USP37: variants seen among roughly 807,000 people sequenced by gnomAD.
The protein encoded by USP37 is ubiquitin specific peptidase 37.
USP37 carries 27 observed loss-of-function variants against 124.0 expected under a neutral mutation model. The ratio of observed to expected loss-of-function variants is 0.22; its 90% CI spans 0.16 to 0.30. The LOEUF (loss-of-function observed/expected upper bound fraction) is 0.30. Ranked by LOEUF, USP37 falls within the 10% of genes least tolerant of loss-of-function variation. USP37 has a pLI of 1.00. For missense variants in USP37, 889 were observed against 1,140.4 expected, an observed-to-expected ratio of 0.78 and a Z score of 3.17; for synonymous variants, 365 against 388.0, an observed-to-expected ratio of 0.94 and a Z score of 0.70.
At chr2:218,538,435 T>A (rs921366244) in intron 8 of USP37, among the ~76,000 whole-genome samples, 1 of 151,688 alleles carries the variant, frequency 6.6e-6, no homozygotes, top group African/African-American at 2.4e-5. Context: ...GTACAAAGAG[T>A]GATCTGTTTT....
chr2:218,545,779 T>C (rs1309948783), intron 8 of USP37, among the ~76,000 whole-genome samples: 2 of 152,218 alleles, frequency 1.3e-5, no homozygotes, highest in Admixed American at 6.5e-5. Flanking sequence ...AAAACATCTC[T>C]GAAAGATTAA....
chr2:218,556,301 T>A (rs981650338), intron 4 of USP37, among the ~76,000 whole-genome samples: 1 of 151,988 alleles, frequency 6.6e-6, no homozygotes, highest in African/African-American at 2.4e-5. Context: ...CCAGAAAATA[T>A]ACAGAAATCA....
intron 10 of USP37, among the ~76,000 whole-genome samples, chr2:218,512,023 A>G (rs1690028368): frequency 6.6e-6 from 1 of 152,090 alleles, no homozygotes; most frequent in Non-Finnish European, 1.5e-5. Context: ...AGGCAAACCA[A>G]TTGTTCCCAA....
intron 8 of USP37, among the ~76,000 whole-genome samples, chr2:218,541,160 G>A (rs1254012638): frequency 6.6e-6 from 1 of 152,154 alleles, no homozygotes; most frequent in African/African-American, 2.4e-5. Context: ...AATTTGTGCT[G>A]TCTCTCCAAA....
chr2:218,528,737 C>A, intron 10 of USP37: 1 of 394,288 alleles, frequency 2.5e-6, no homozygotes, highest in South Asian at 3.6e-5. Context: ...CTGTGCTGCA[C>A]TGCATGATCA....
At chr2:218,513,623 T>C (rs1428104955) in intron 10 of USP37, among the ~76,000 whole-genome samples, 1 of 152,204 alleles carries the variant, frequency 6.6e-6, no homozygotes, top group Non-Finnish European at 1.5e-5. Flanking sequence ...ATAGATTACA[T>C]TTTCTAAAAT....
chr2:218,514,365 T>A (rs1161370441), intron 10 of USP37: 1 of 152,154 alleles, frequency 6.6e-6, no homozygotes, highest in Non-Finnish European at 1.5e-5. Flanking sequence ...CAATCCTCAA[T>A]TTCTTCTTTT....
intron 13 of USP37, among the ~76,000 whole-genome samples, chr2:218,497,019 AAC>A (rs1395925048): frequency 6.6e-6 from 1 of 152,112 alleles, no homozygotes; most frequent in Non-Finnish European, 1.5e-5. Context: ...AAAATCAAGA[AAC>A]ACACTAAAAT....
chr2:218,549,990 A>G, intron 5 of USP37, 81 bp from the exon 6 acceptor site: 6 of 1,080,298 alleles, frequency 5.6e-6, no homozygotes, highest in African/African-American at 1.6e-5. Context: ...TTATTTTTAT[A>G]TAATATTGAA....
Position 218,459,889 on chromosome 2 carries a change from A to C in USP37, c.2544T>G (p.Phe848Leu). Residue 848 changes from phenylalanine to leucine, a missense_variant, in exon 23 of 26, where the codon TTT becomes TTG. Around this residue, in one of 3 missense-constraint regions of USP37, gnomAD observed 504 missense variants for 714.3 expected, o/e 0.71. Coordinates refer to ENST00000258399, the MANE Select transcript of USP37 (RefSeq NM_020935.3). ...ELSLQEFNNS[F>L]VDALGSDEDS... Reference sequence around the variant, plus strand: ...CCTCATCAGAACCCAATGCATCCACAAAGGAGTTGTTAAACTCTGAAGAAT... The same window carrying C: ...CCTCATCAGAACCCAATGCATCCACCAAGGAGTTGTTAAACTCTGAAGAAT... 1 of 1,613,530 alleles carries C rather than the reference A, an allele frequency of 6.2e-7. No individual in the cohort carries two copies. The highest frequency in any genetic ancestry group is 8.5e-7 in the Non-Finnish European group (1 of 1,179,658).
At chr2:218,524,631 A>G (rs1322101480) in intron 10 of USP37, among the ~76,000 whole-genome samples, 1 of 152,182 alleles carries the variant, frequency 6.6e-6, no homozygotes, top group Non-Finnish European at 1.5e-5. Flanking sequence ...TATTTTTTAG[A>G]TGGAGTCTCG....
chr2:218,540,020 C>A (rs548520224), intron 8 of USP37, among the ~76,000 whole-genome samples: 1 of 151,410 alleles, frequency 6.6e-6, no homozygotes, highest in African/African-American at 2.4e-5. Flanking sequence ...AAAAAAAAAT[C>A]TTTTTTTTTA....
chr2:218,466,079 C>G lies in USP37; in HGVS notation c.2397G>C (p.Gln799His). ...GSQGEVDWLQ[Q>H]YDMEREREEQ... is the part of the protein sequence containing the mutation. ...CTTCCCTTTCACGCTCCATATCATA[C>G]TGCTGGAGCCAATCAACTTCTCCCT... Residue 799 changes from glutamine (Q) to histidine (H), a missense_variant, in exon 21 of 26, where the codon CAG becomes CAC. Around this residue, in one of 3 missense-constraint regions of USP37, gnomAD observed 504 missense variants for 714.3 expected, o/e 0.71. Coordinates refer to ENST00000258399, the MANE Select transcript of USP37 (RefSeq NM_020935.3). 6.2e-7 allele frequency: 1 copy of G among 1,614,064 alleles called. No individual in the cohort carries two copies. The highest frequency in any genetic ancestry group is 8.5e-7 in the Non-Finnish European group (1 of 1,180,014).
chr2:218,484,351 G>A (rs528302223), intron 16 of USP37, among the ~76,000 whole-genome samples: 1 of 152,038 alleles, frequency 6.6e-6, no homozygotes, highest in East Asian at 2.0e-4. Flanking sequence ...GCCCGGCGCG[G>A]TGGCTTATGC....
At chr2:218,522,925 G>T in intron 10 of USP37, among the ~76,000 whole-genome samples, 1 of 152,090 alleles carries the variant, frequency 6.6e-6, no homozygotes, top group Non-Finnish European at 1.5e-5. Context: ...GATCACCTGA[G>T]GTCAGGAGTT....
At chr2:218,476,740 T>TTAAACTAATTAGTTTC in intron 19 of USP37, 100 bp downstream of exon 19, 1 of 1,325,472 alleles carries the variant, frequency 7.5e-7, no homozygotes, top group Non-Finnish European at 9.9e-7. Flanking sequence ...AGGCATTTTC[T>TTAAACTAATTAGTTTC]TTAAAACTAA....
chr2:218,455,034 C>A lies in USP37; in HGVS notation c.2853-17G>T, dbSNP rs1320068807. On this transcript the variant is annotated splice_polypyrimidine_tract_variant and intron_variant, in intron 25 of 25. Transcript: ENST00000258399. ...AAGATCTCCCTTAAGATAAAACAAG[C>A]AAAAAATAAAACTGGAAATTTAGTA... 7 of 1,607,938 alleles carry A rather than the reference C, an allele frequency of 4.4e-6. No homozygotes were observed. Among genetic ancestry groups the A allele is most frequent in the South Asian group, 1.1e-5 (1 of 90,148 alleles).
intron 10 of USP37, among the ~76,000 whole-genome samples, chr2:218,525,965 T>C (rs1484174424): frequency 2.0e-5 from 3 of 152,338 alleles, no homozygotes; most frequent in South Asian, 4.1e-4. Flanking sequence ...CTGTGTTAGT[T>C]GGTTAAGGAT....
At chr2:218,495,710 A>C (rs763636184) in intron 14 of USP37, 50 bp downstream of exon 14, 2 of 1,533,190 alleles carry the variant, frequency 1.3e-6, no homozygotes, top group Non-Finnish European at 1.8e-6. Flanking sequence ...AATTTTAATC[A>C]CTTGCCATAA....
Sources: allele counts gnomAD v4.1 joint callset (sites outside exome capture counted in the v4.1 genomes callset), GRCh38; gene constraint gnomAD v4.1.1; regional missense constraint gnomAD v4.1.1; transcripts MANE v1.5; gene names NCBI Gene and HGNC (gene_info 2026-07-23, HGNC 2026-07-21).